Variants in FSD1L observed in about 807,000 individuals in gnomAD.
The protein encoded by FSD1L is FSD1-like protein.
A neutral mutation model predicts 71.6 loss-of-function variants in FSD1L; 45 were observed. The ratio of observed to expected loss-of-function variants is 0.63; its 90% CI spans 0.49 to 0.81. The LOEUF (loss-of-function observed/expected upper bound fraction) is 0.81. Among genes scored for constraint, FSD1L ranks in the 30% least tolerant of loss-of-function variants. The pLI, the probability that FSD1L is intolerant of heterozygous loss-of-function variation, is 0.00. For synonymous variants in FSD1L, 197 were observed against 207.2 expected (o/e 0.95, Z 0.42); for missense variants, 561 against 618.1 (o/e 0.91, Z 0.98).
chr9:105,519,257 CTA>C (rs1387348593), intron 10 of FSD1L, among the ~76,000 whole-genome samples: 3 of 152,088 alleles, frequency 2.0e-5, no homozygotes, highest in Non-Finnish European at 4.4e-5. Context: ...CCTTCTGAAA[CTA>C]TTCCAAACAA....
intron 10 of FSD1L, chr9:105,522,307 T>C: frequency 2.5e-6 from 4 of 1,613,916 alleles, no homozygotes; most frequent in Non-Finnish European, 3.4e-6. Context: ...CTCAGTGATT[T>C]ACCATTGGAT....
rs1837089402 is a variant in FSD1L at position 105,547,724 on chromosome 9, C to T, written c.*1241C>T. On this transcript the variant is annotated 3_prime_UTR_variant, in exon 14 of 14. Transcript: ENST00000481272. ...TGGAACATAACTGTTCTTAAAAAGTCAATTATAATTTGTAACTCACATCCT... is the reference window on the plus strand; with the variant it reads ...TGGAACATAACTGTTCTTAAAAAGTTAATTATAATTTGTAACTCACATCCT... 1 of 152,022 alleles carries T rather than the reference C, an allele frequency of 6.6e-6. No individual in the cohort carries two copies. The highest frequency in any genetic ancestry group is 1.5e-5 in the Non-Finnish European group (1 of 67,964). The allele number at this position is 152,022 out of a possible 1,614,324, so 9.4% of individuals were successfully genotyped here.
chr9:105,476,260 G>A (rs1831794367), intron 5 of FSD1L, among the ~76,000 whole-genome samples: 1 of 152,132 alleles, frequency 6.6e-6, no homozygotes, highest in South Asian at 2.1e-4. Context: ...TCATATCAGA[G>A]ATGGTGCCTT....
intron 10 of FSD1L, chr9:105,523,086 T>G: frequency 6.2e-7 from 1 of 1,614,202 alleles, no homozygotes; most frequent in Non-Finnish European, 8.5e-7. Context: ...GGATTCAGGT[T>G]CTGGCCATCA....
chr9:105,495,507 C>G (rs771935587), intron 7 of FSD1L, among the ~76,000 whole-genome samples: 1 of 152,212 alleles, frequency 6.6e-6, no homozygotes, highest in African/African-American at 2.4e-5. Flanking sequence ...GCTGCACCCA[C>G]TGTCCTGCGC....
At chr9:105,449,921 T>A (rs1829886847) in intron 1 of FSD1L, among the ~76,000 whole-genome samples, 1 of 152,222 alleles carries the variant, frequency 6.6e-6, no homozygotes. Flanking sequence ...TAGCTTCTCT[T>A]TCTTAGTAGT....
chr9:105,529,214 G>T (rs1835729171), intron 10 of FSD1L, among the ~76,000 whole-genome samples: 1 of 152,318 alleles, frequency 6.6e-6, no homozygotes, highest in Middle Eastern at 3.4e-3. Context: ...AGACAGTGTG[G>T]CGATTCCTCA....
rs528832193 is a variant in FSD1L, at chr9:105,532,264, T to G, written c.1026-2229T>G. On this transcript the variant is annotated intron_variant, in intron 10 of 13. Coordinates refer to ENST00000481272, the MANE Select transcript of FSD1L (RefSeq NM_001145313.3). ...AGCTTTTGAAAACATACAGACCTTT[T>G]GTGATCGGGCTTTTAACATTCTCTA... 1.5e-3 allele frequency among the ~76,000 whole-genome samples: 236 copies of G among 152,358 alleles called. 1 individual carries two copies. Among genetic ancestry groups the G allele is most frequent in the African/African-American group, 5.4e-3 (225 of 41,592 alleles).
intron 10 of FSD1L, among the ~76,000 whole-genome samples, chr9:105,517,604 C>G (rs1263710041): frequency 6.6e-6 from 1 of 152,130 alleles, no homozygotes; most frequent in Non-Finnish European, 1.5e-5. Flanking sequence ...TACAGACAAG[C>G]AAATGCTGAG....
intron 10 of FSD1L, among the ~76,000 whole-genome samples, chr9:105,532,815 A>G (rs1441973775): frequency 6.6e-6 from 1 of 152,228 alleles, no homozygotes; most frequent in Non-Finnish European, 1.5e-5. Context: ...CTAGACTTAC[A>G]CTTTTGCTAC....
chr9:105,532,576 C>T (rs1163769213), intron 10 of FSD1L, among the ~76,000 whole-genome samples: 7 of 152,150 alleles, frequency 4.6e-5, no homozygotes, highest in East Asian at 3.9e-4. Flanking sequence ...TCCCCCCTCA[C>T]GTTCTGTTTT....
At chr9:105,470,689 G>C (rs1831395673) in intron 4 of FSD1L, among the ~76,000 whole-genome samples, 1 of 151,982 alleles carries the variant, frequency 6.6e-6, no homozygotes, top group South Asian at 2.1e-4. Context: ...AATTTCCAAG[G>C]ATCAGATACT....
intron 7 of FSD1L, among the ~76,000 whole-genome samples, chr9:105,486,814 A>G (rs1317315820): frequency 6.6e-6 from 1 of 152,184 alleles, no homozygotes; most frequent in Non-Finnish European, 1.5e-5. Flanking sequence ...AAACAGTTAA[A>G]GTAGTACAAA....
At chr9:105,446,105 C>CAAAAA (rs146571180), upstream of FSD1L, among the ~76,000 whole-genome samples, 1,116 of 149,766 alleles carry the variant, frequency 7.5e-3, 18 homozygotes, top group African/African-American at 0.026. Flanking sequence ...ATTCAGCCCT[C>CAAAAA]AAAAAAAAAA....
intron 11 of FSD1L, 37 bp from the exon 12 acceptor site, chr9:105,535,030 A>G: frequency 1.3e-6 from 2 of 1,547,392 alleles, no homozygotes; most frequent in South Asian, 1.2e-5. Flanking sequence ...CTCATAAGGA[A>G]GAGATGAGTC....
intron 13 of FSD1L, among the ~76,000 whole-genome samples, chr9:105,540,410 A>G (rs1836534426): frequency 6.6e-6 from 1 of 152,130 alleles, no homozygotes; most frequent in African/African-American, 2.4e-5. Flanking sequence ...TTGATAAACA[A>G]AAGTTAATTT....
At chr9:105,468,448 T>C in intron 4 of FSD1L, 124 bp downstream of exon 4, 2 of 702,840 alleles carry the variant, frequency 2.8e-6, no homozygotes, top group South Asian at 2.9e-5. Context: ...GAATGGTTTT[T>C]TGTTTTGGCC....
At position 105,471,724 on chromosome 9, in the gene FSD1L, T is replaced by TATA. The variant is rs1831479126; in HGVS notation, c.340-180_340-179insATA. On this transcript the variant is annotated intron_variant, in intron 4 of 13. Coordinates refer to ENST00000481272, the MANE Select transcript of FSD1L (RefSeq NM_001145313.3). Reference sequence around the variant, plus strand: ...ATATATATAAAAAAAATAACACGTTTTATATATATATATATATATATAACT... The same window carrying TATA: ...ATATATATAAAAAAAATAACACGTTTATATATATATATATATATATATATAACT... Among the ~76,000 whole-genome samples, 48 of 143,328 alleles carry TATA rather than the reference T, an allele frequency of 3.3e-4. 1 individual carries two copies. Among genetic ancestry groups the TATA allele is most frequent in the Non-Finnish European group, 3.7e-4 (24 of 65,568 alleles). The allele number at this position is 143,328 out of a possible 152,430, so 94.0% of individuals were successfully genotyped here.
At position 105,549,969 on chromosome 9, in the gene FSD1L, G is replaced by C. The variant is rs903799105; in HGVS notation, c.*3486G>C. On this transcript the variant is annotated 3_prime_UTR_variant, in exon 14 of 14. Coordinates refer to ENST00000481272, the MANE Select transcript of FSD1L (RefSeq NM_001145313.3). ...GTAAAATATGTGATTCCAGGCTTAA[G>C]AAATTGATTATATTTTAAAATAATT... 1.3e-5 allele frequency: 2 copies of C among 151,850 alleles called. No individual in the cohort carries two copies. Among genetic ancestry groups the C allele is most frequent in the Admixed American group, 1.3e-4 (2 of 15,224 alleles). 9.4% of individuals were successfully genotyped at this position (151,850 alleles called of 1,614,324 possible).
Sources: gnomAD v4.1 joint callset for allele counts (sites outside exome capture counted in the v4.1 genomes callset) on GRCh38, gnomAD v4.1.1 for gene constraint, MANE v1.5 for transcripts, NCBI Gene and HGNC (gene_info 2026-07-23, HGNC 2026-07-21) for gene names.